The following ZBTB44 variants were observed in gnomAD, a reference collection of about 807,000 sequenced individuals.
ZBTB44 encodes the protein zinc finger and BTB domain-containing protein 44.
Under a neutral mutation model 54.0 loss-of-function variants are expected in ZBTB44, and 15 were observed. That is an observed-to-expected ratio of 0.28 (90% CI 0.19 to 0.43). The LOEUF is 0.43. Ranked by LOEUF, ZBTB44 falls within the 20% of genes least tolerant of loss-of-function variation. ZBTB44 has a pLI of 1.00. For synonymous variants in ZBTB44, 230 were observed against 250.1 expected, an observed-to-expected ratio of 0.92 and a Z score of 0.76; for missense variants, 487 against 707.1, an observed-to-expected ratio of 0.69 and a Z score of 3.53.
At position 130,228,314 on chromosome 11, in the gene ZBTB44, A is replaced by G. The variant is rs1953758119; in HGVS notation, c.*3450T>C. 1 of 152,216 alleles carries G rather than the reference A, an allele frequency of 6.6e-6. No individual in the cohort carries two copies. Among genetic ancestry groups the G allele is most frequent in the Non-Finnish European group, 1.5e-5 (1 of 68,046 alleles). The allele number at this position is 152,216 out of a possible 1,614,324, so 9.4% of individuals were successfully genotyped here. On this transcript the variant is annotated 3_prime_UTR_variant, in exon 8 of 8. Transcript: ENST00000357899. The stretch of plus-strand genomic sequence containing the variant: ...AGGAAGAAAATGAATACAGTTTATG[A>G]TCTTACTCCTTCCAAATACCTGATG...
intron 1 of ZBTB44, chr11:130,285,612 T>C: frequency 4.1e-6 from 1 of 241,472 alleles, no homozygotes; most frequent in Non-Finnish European, 8.5e-6. Context: ...TCTTCTGATC[T>C]AAGCTTCCCA....
chr11:130,301,002 A>T (rs1353383705), intron 1 of ZBTB44, among the ~76,000 whole-genome samples: 1 of 151,972 alleles, frequency 6.6e-6, no homozygotes, highest in Non-Finnish European at 1.5e-5. Flanking sequence ...TTTTTTTATT[A>T]AAGTAAAATA....
chr11:130,267,243 GAC>G (rs2134166037), intron 1 of ZBTB44, among the ~76,000 whole-genome samples: 1 of 152,112 alleles, frequency 6.6e-6, no homozygotes, highest in African/African-American at 2.4e-5. Flanking sequence ...CAACCTGGGC[GAC>G]AGAGTGAGAC....
intron 1 of ZBTB44, among the ~76,000 whole-genome samples, chr11:130,311,259 T>G (rs1188231295): frequency 6.6e-6 from 1 of 151,444 alleles, no homozygotes; most frequent in East Asian, 1.9e-4. Context: ...CAGGCTGAAG[T>G]GCAGTGGGGT....
At chr11:130,244,793 G>A (rs1954572859) in intron 2 of ZBTB44, among the ~76,000 whole-genome samples, 2 of 151,966 alleles carry the variant, frequency 1.3e-5, no homozygotes, top group South Asian at 4.2e-4. Context: ...TCCTTCTGAT[G>A]AAGATTTGGA....
chr11:130,257,077 G>A (rs575835188), intron 2 of ZBTB44, among the ~76,000 whole-genome samples: 12 of 151,728 alleles, frequency 7.9e-5, no homozygotes, highest in South Asian at 4.2e-4. Context: ...GCAAAGTCTC[G>A]GGATACAAAA....
chr11:130,313,938 T>G (rs189390892), intron 1 of ZBTB44, among the ~76,000 whole-genome samples: 6 of 98,576 alleles, frequency 6.1e-5, no homozygotes, highest in African/African-American at 1.4e-4. Flanking sequence ...GTGTGTGTGT[T>G]TGTGTGTGTG....
At chr11:130,251,393 C>T (rs1937988098) in intron 2 of ZBTB44, among the ~76,000 whole-genome samples, 1 of 152,156 alleles carries the variant, frequency 6.6e-6, no homozygotes, top group African/African-American at 2.4e-5. Flanking sequence ...TCCAGGACAA[C>T]TTCCCCAACC....
chr11:130,261,790 T>C lies in ZBTB44; in HGVS notation c.84A>G (p.Gly28=), dbSNP rs1938878536. The C allele has an allele frequency of 6.2e-7, 1 of 1,613,948 alleles. No individual in the cohort carries two copies. Among genetic ancestry groups the C allele is most frequent in the South Asian group, 1.1e-5 (1 of 91,092 alleles). The change falls in exon 2 of 8, where the codon GGA becomes GGG. Residue 28 remains glycine (G), a synonymous_variant. Transcript: ENST00000357899. This position sits in a 1 kb window ranked among gnomAD's most constrained non-coding sequence, Gnocchi z 4.8. ...CACGAATAGTGATATCACAAAAATG[T>C]CCATCATTTCGCAGCATATTTAGCT... The part of the protein sequence containing the change: ...LGKLNMLRND[G]HFCDITIRVQ...
intron 1 of ZBTB44, among the ~76,000 whole-genome samples, chr11:130,301,485 A>C (rs1462967737): frequency 6.6e-6 from 1 of 152,086 alleles, no homozygotes; most frequent in Non-Finnish European, 1.5e-5. Flanking sequence ...AAGATCACGT[A>C]GATGCGGGCA....
At chr11:130,249,965 C>G (rs912444060) in intron 2 of ZBTB44, among the ~76,000 whole-genome samples, 1 of 152,158 alleles carries the variant, frequency 6.6e-6, no homozygotes, top group Non-Finnish European at 1.5e-5. Flanking sequence ...GCCAAGTGGT[C>G]TCACTCAGCA....
chr11:130,274,181 C>T (rs528843527), intron 1 of ZBTB44, among the ~76,000 whole-genome samples: 15 of 152,190 alleles, frequency 9.9e-5, no homozygotes, highest in East Asian at 3.9e-4. Context: ...TCCAAAAACC[C>T]GAAATCCAAA....
rs141076302 is a variant in ZBTB44 at position 130,308,718 on chromosome 11, T to C, written c.-57+5657A>G. Among the ~76,000 whole-genome samples the C allele has an allele frequency of 2.2e-4, 33 of 152,342 alleles. No individual in the cohort carries two copies. The East Asian group carries it at 6.2e-3, about 28-fold the overall frequency. On this transcript the variant is annotated intron_variant, in intron 1 of 7. Coordinates refer to ENST00000357899, the MANE Select transcript of ZBTB44 (RefSeq NM_001301098.2). ...CAACTGTTTATAGTATTCTTCTTCA[T>C]CACCTTATATGTTCTAAGAACCTTG...
chr11:130,262,046 A>G, intron 1 of ZBTB44, 117 bp from the exon 2 acceptor site: 1 of 732,132 alleles, frequency 1.4e-6, no homozygotes, highest in Non-Finnish European at 2.2e-6. Flanking sequence ...GTAGTGACAG[A>G]GAAACTTCAA....
chr11:130,275,832 T>C (rs1026623306), intron 1 of ZBTB44, among the ~76,000 whole-genome samples: 1 of 152,068 alleles, frequency 6.6e-6, no homozygotes, highest in Non-Finnish European at 1.5e-5. Context: ...TTCACCATGA[T>C]GGCCAGGATG....
chr11:130,242,884 G>A (rs1001361640), intron 2 of ZBTB44, among the ~76,000 whole-genome samples: 2 of 151,956 alleles, frequency 1.3e-5, no homozygotes, highest in Admixed American at 6.6e-5. Context: ...GTTGTCTTCC[G>A]CACCCTTCTC....
intron 2 of ZBTB44, among the ~76,000 whole-genome samples, chr11:130,251,719 C>G (rs571808701): frequency 6.6e-6 from 1 of 152,266 alleles, no homozygotes; most frequent in South Asian, 2.1e-4. Flanking sequence ...CAAGCAAATG[C>G]TGAGGGATTT....
chr11:130,299,276 ATAAG>A (rs1565334956), intron 1 of ZBTB44, among the ~76,000 whole-genome samples: 1 of 152,242 alleles, frequency 6.6e-6, no homozygotes, highest in African/African-American at 2.4e-5. Flanking sequence ...ACAGAAAAAA[ATAAG>A]TAATAAAATA....
At chr11:130,237,612 G>A (rs1954162724) in intron 4 of ZBTB44, among the ~76,000 whole-genome samples, 1 of 152,178 alleles carries the variant, frequency 6.6e-6, no homozygotes, top group South Asian at 2.1e-4. Context: ...GTAATATGAT[G>A]TAATATTGAT....
Sources: allele counts gnomAD v4.1 joint callset (sites outside exome capture counted in the v4.1 genomes callset), GRCh38; gene constraint gnomAD v4.1.1; non-coding constraint Gnocchi (gnomAD v3.1); transcripts MANE v1.5; gene names NCBI Gene and HGNC (gene_info 2026-07-23, HGNC 2026-07-21).